Variants in GTF2I observed in about 807,000 individuals in gnomAD.
The protein encoded by GTF2I is general transcription factor II-I.
In GTF2I, 12 loss-of-function variants were observed where a neutral mutation model predicts 67.6. That is an observed-to-expected ratio of 0.18 (90% CI 0.11 to 0.29). GTF2I has a LOEUF of 0.29. Among genes scored for constraint, GTF2I ranks in the 10% least tolerant of loss-of-function variants. The probability of loss-of-function intolerance (pLI) is 1.00; values close to 1 mark genes in which losing one functional copy is unlikely to be tolerated. For missense variants in GTF2I, 271 were observed against 580.1 expected (o/e 0.47, Z 5.47); for synonymous variants, 149 against 197.0 (o/e 0.76, Z 2.04).
Position 74,693,725 on chromosome 7 carries a change from A to G in GTF2I, c.238+2614A>G, listed in dbSNP as rs587727411. On this transcript the variant is annotated intron_variant, in intron 3 of 34. Transcript: ENST00000573035. ...GCTGGGTGTGGTGGCGCGTGCTTGT[A>G]GTCCCAGCTATTTGGGAGGCTGAGG... 1.1e-4 allele frequency among the ~76,000 whole-genome samples: 17 copies of G among 152,308 alleles called. No individual in the cohort carries two copies. In the East Asian group the frequency reaches 1.3e-3, roughly 12 times the overall value.
At chr7:74,660,840 G>C (rs1245788823) in intron 1 of GTF2I, among the ~76,000 whole-genome samples, 1 of 151,874 alleles carries the variant, frequency 6.6e-6, no homozygotes, top group African/African-American at 2.4e-5. Context: ...TGTTGAGCTC[G>C]TAGGGGCAGG....
intron 1 of GTF2I, among the ~76,000 whole-genome samples, chr7:74,666,618 G>C (rs1396686695): frequency 2.6e-5 from 4 of 151,790 alleles, no homozygotes; most frequent in Non-Finnish European, 5.9e-5. Flanking sequence ...ACTCACTTGA[G>C]GTCAGGAGTT....
chr7:74,714,247 T>C (rs1791978374), intron 9 of GTF2I, among the ~76,000 whole-genome samples: 2 of 152,168 alleles, frequency 1.3e-5, no homozygotes, highest in African/African-American at 2.4e-5. Flanking sequence ...TGAATTTAAC[T>C]CAGAGTACTT....
At chr7:74,687,024 G>T (rs1655814513) in intron 1 of GTF2I, among the ~76,000 whole-genome samples, 2 of 151,744 alleles carry the variant, frequency 1.3e-5, no homozygotes, top group South Asian at 4.2e-4. Context: ...TGAGTGACTG[G>T]AATTACAGAT....
At chr7:74,681,583 G>T (rs587666863) in intron 1 of GTF2I, among the ~76,000 whole-genome samples, 1 of 152,238 alleles carries the variant, frequency 6.6e-6, no homozygotes, top group East Asian at 1.9e-4. Context: ...GTTTGGGTAG[G>T]CTCATGACAC....
intron 6 of GTF2I, among the ~76,000 whole-genome samples, chr7:74,702,947 G>T (rs1790024579): frequency 6.6e-6 from 1 of 151,984 alleles, no homozygotes; most frequent in African/African-American, 2.4e-5. Flanking sequence ...GTGTTGGCCA[G>T]GCTGGTCTGG....
At chr7:74,663,371 C>T (rs752304483) in intron 1 of GTF2I, among the ~76,000 whole-genome samples, 11 of 152,100 alleles carry the variant, frequency 7.2e-5, no homozygotes, top group Non-Finnish European at 1.0e-4. Context: ...CTGCAACCTC[C>T]GATTCCCGGG....
intron 1 of GTF2I, among the ~76,000 whole-genome samples, chr7:74,660,583 TTC>T (rs1310780853): frequency 2.0e-5 from 3 of 151,872 alleles, no homozygotes; most frequent in Admixed American, 6.6e-5. Context: ...CACCTTTATT[TTC>T]TCTCTTTTTT....
At chr7:74,709,632 CT>C (rs1362752379) in intron 8 of GTF2I, among the ~76,000 whole-genome samples, 4 of 151,930 alleles carry the variant, frequency 2.6e-5, no homozygotes, top group African/African-American at 4.8e-5. Context: ...CCCAGTGGAT[CT>C]GCCTTTTTTG....
chr7:74,697,193 C>A (rs781910618), intron 3 of GTF2I, among the ~76,000 whole-genome samples: 8 of 151,934 alleles, frequency 5.3e-5, no homozygotes, highest in Admixed American at 5.2e-4. Flanking sequence ...GTCAGGAGAT[C>A]GAGACCATGT....
At chr7:74,698,539 AGACAGCTAGGACT>A (rs1410494871) in intron 3 of GTF2I, among the ~76,000 whole-genome samples, 1 of 151,676 alleles carries the variant, frequency 6.6e-6, no homozygotes, top group Non-Finnish European at 1.5e-5. Context: ...TTCAGCCCCC[AGACAGCTAGGACT>A]GCAGACATAC....
At position 74,663,584 on chromosome 7, in the gene GTF2I, C is replaced by G. The variant is rs587770333; in HGVS notation, c.-6+5516C>G. ...GAGATTACAGGCGTGAGCCACTGCG[C>G]CTGGTTCGTTTATTGAGTGAAGGTT... On this transcript the variant is annotated intron_variant, in intron 1 of 34. Coordinates refer to ENST00000573035, the MANE Select transcript of GTF2I (RefSeq NM_032999.4). Among the ~76,000 whole-genome samples, 50 of 152,286 alleles carry G rather than the reference C, an allele frequency of 3.3e-4. 1 individual carries two copies. The highest frequency in any genetic ancestry group is 3.1e-3 in the Admixed American group (48 of 15,280).
chr7:74,685,158 G>A (rs587664236), intron 1 of GTF2I, among the ~76,000 whole-genome samples: 26 of 152,336 alleles, frequency 1.7e-4, no homozygotes, highest in African/African-American at 6.3e-4. Flanking sequence ...AGCATCTGTG[G>A]AAAGCAACCA....
intron 1 of GTF2I, among the ~76,000 whole-genome samples, chr7:74,666,213 A>G (rs1168364693): frequency 6.6e-6 from 1 of 152,206 alleles, no homozygotes; most frequent in Non-Finnish European, 1.5e-5. Flanking sequence ...AATTTGTTAT[A>G]TCTAGAAATT....
Position 74,690,986 on chromosome 7 carries a change from C to T in GTF2I, c.113C>T (p.Ala38Val). Reference sequence around the variant, plus strand: ...TTTGTATTGTAGTGTAAAGAACTGGCCAAGTCCAAAGCCGAAGTGGCCTGC... The same window carrying T: ...TTTGTATTGTAGTGTAAAGAACTGGTCAAGTCCAAAGCCGAAGTGGCCTGC... ...SALESMCKEL[A>V]KSKAEVACIA... is the part of the protein sequence containing the mutation. The change falls in exon 3 of 35, where the codon GCC (alanine) becomes GTC (valine). Residue 38 changes from alanine to valine, a missense_variant. By Grantham distance (64) the Ala-to-Val change is moderately conservative (BLOSUM62 0). Coordinates refer to ENST00000573035, the MANE Select transcript of GTF2I (RefSeq NM_032999.4). 1 of 1,612,476 alleles carries T rather than the reference C, an allele frequency of 6.2e-7. No individual in the cohort carries two copies. The highest frequency in any genetic ancestry group is 1.7e-5 in the Admixed American group (1 of 59,724).
At chr7:74,677,727 A>G (rs900682179) in intron 1 of GTF2I, among the ~76,000 whole-genome samples, 9 of 142,730 alleles carry the variant, frequency 6.3e-5, no homozygotes, top group Non-Finnish European at 1.0e-4. Flanking sequence ...GGTTGCAGTG[A>G]GCCAAGATCA....
intron 11 of GTF2I, among the ~76,000 whole-genome samples, chr7:74,717,387 T>G (rs1792390520): frequency 6.6e-6 from 1 of 152,192 alleles, no homozygotes. Flanking sequence ...AGGAGAGAGT[T>G]TCTCCCTTTA....
chr7:74,666,520 T>C (rs1804987687), intron 1 of GTF2I, among the ~76,000 whole-genome samples: 1 of 55,382 alleles, frequency 1.8e-5, no homozygotes, highest in South Asian at 5.9e-4. Flanking sequence ...TCTTTCTTCG[T>C]TTTCCCCCCC....
At chr7:74,700,161 C>T in intron 4 of GTF2I, 86 bp from the exon 5 acceptor site, 13 of 1,328,574 alleles carry the variant, frequency 9.8e-6, no homozygotes, top group Middle Eastern at 1.9e-4. Context: ...TCATGGATGC[C>T]CTTATTAAGC....
Sources: allele counts gnomAD v4.1 joint callset (sites outside exome capture counted in the v4.1 genomes callset), GRCh38; gene constraint gnomAD v4.1.1; transcripts MANE v1.5; gene names NCBI Gene and HGNC (gene_info 2026-07-23, HGNC 2026-07-21).